KCNH7: variants seen among roughly 807,000 people sequenced by gnomAD.
KCNH7 encodes potassium voltage-gated channel subfamily H member 7.
In KCNH7, 49 loss-of-function variants were observed where a neutral mutation model predicts 120.8. That is an observed-to-expected ratio of 0.41 (90% CI 0.32 to 0.51). The LOEUF (loss-of-function observed/expected upper bound fraction) is 0.51. Among genes scored for constraint, KCNH7 ranks in the 20% least tolerant of loss-of-function variants. KCNH7 has a pLI of 0.38. For missense variants in KCNH7, 1,097 were observed against 1,446.6 expected, an observed-to-expected ratio of 0.76 and a Z score of 3.92; for synonymous variants, 547 against 516.1, an observed-to-expected ratio of 1.06 and a Z score of -0.81.
At chr2:162,566,625 T>A (rs1215101398) in intron 2 of KCNH7, among the ~76,000 whole-genome samples, 1 of 152,106 alleles carries the variant, frequency 6.6e-6, no homozygotes, top group East Asian at 1.9e-4. Flanking sequence ...AAGTACCTAA[T>A]AAAGACCACA....
At chr2:162,456,915 A>C (rs1204677333) in intron 6 of KCNH7, among the ~76,000 whole-genome samples, 3 of 151,938 alleles carry the variant, frequency 2.0e-5, no homozygotes, top group Non-Finnish European at 4.4e-5. Flanking sequence ...TAGGTTATTT[A>C]GTTAATTGTC....
intron 2 of KCNH7, among the ~76,000 whole-genome samples, chr2:162,610,591 G>A (rs1338653265): frequency 6.6e-6 from 1 of 152,098 alleles, no homozygotes; most frequent in Non-Finnish European, 1.5e-5. Flanking sequence ...TCCTAGCCCT[G>A]GTTTTCTCCC....
chr2:162,647,881 A>T lies in KCNH7; in HGVS notation c.308-110801T>A, dbSNP rs181862605. On this transcript the variant is annotated intron_variant, in intron 2 of 15. Coordinates refer to ENST00000332142, the MANE Select transcript of KCNH7 (RefSeq NM_033272.4). ...TGGGAATAAGAACTATGTTGTATGTATTGTCATATCCCTAGTTTGCCTGTG... is the reference window on the plus strand; with the variant it reads ...TGGGAATAAGAACTATGTTGTATGTTTTGTCATATCCCTAGTTTGCCTGTG... Among the ~76,000 whole-genome samples, 639 of 152,304 alleles carry T rather than the reference A, an allele frequency of 4.2e-3. 4 individuals carry two copies. Among genetic ancestry groups the T allele is most frequent in the South Asian group, 0.015 (72 of 4,832 alleles).
chr2:162,623,164 T>C (rs1378191225), intron 2 of KCNH7, among the ~76,000 whole-genome samples: 1 of 152,162 alleles, frequency 6.6e-6, no homozygotes, highest in Non-Finnish European at 1.5e-5. Flanking sequence ...GGCCTGGTGA[T>C]TTTCCATAAC....
intron 2 of KCNH7, among the ~76,000 whole-genome samples, chr2:162,764,220 T>A (rs981920947): frequency 3.3e-5 from 5 of 152,124 alleles, no homozygotes; most frequent in African/African-American, 1.2e-4. Flanking sequence ...GTCAGTATGA[T>A]GTCTCTGAAA....
rs187195685 is a variant in KCNH7 at position 162,507,222 on chromosome 2, T to C, written c.914-2565A>G. Among the ~76,000 whole-genome samples, 472 of 151,860 alleles carry C rather than the reference T, an allele frequency of 3.1e-3. 6 individuals are homozygous for C. The highest frequency in any genetic ancestry group is 0.011 in the African/African-American group (461 of 41,516). On this transcript the variant is annotated intron_variant, in intron 5 of 15. Coordinates refer to ENST00000332142, the MANE Select transcript of KCNH7 (RefSeq NM_033272.4). The stretch of plus-strand genomic sequence containing the variant: ...ATATTTCAGAGTTTAGTTTACAATC[T>C]GTGTTTGGAGCTGTTATTTGCAAAT...
At chr2:162,427,691 T>A (rs1687912091) in intron 8 of KCNH7, among the ~76,000 whole-genome samples, 2 of 151,980 alleles carry the variant, frequency 1.3e-5, no homozygotes, top group South Asian at 4.1e-4. Context: ...GCAGAAGTTA[T>A]TAATTTTGAT....
chr2:162,413,659 C>G (rs1343506184), intron 9 of KCNH7, among the ~76,000 whole-genome samples: 1 of 151,684 alleles, frequency 6.6e-6, no homozygotes, highest in South Asian at 2.1e-4. Context: ...TAATCATATA[C>G]CAAATCGTAT....
At chr2:162,727,151 G>C (rs1384446727) in intron 2 of KCNH7, among the ~76,000 whole-genome samples, 2 of 152,072 alleles carry the variant, frequency 1.3e-5, no homozygotes, top group South Asian at 4.1e-4. Flanking sequence ...TACTCCAAAA[G>C]TCCTGGTTTC....
intron 2 of KCNH7, among the ~76,000 whole-genome samples, chr2:162,559,314 C>T (rs1321322562): frequency 1.3e-5 from 2 of 151,990 alleles, no homozygotes; most frequent in South Asian, 2.1e-4. Flanking sequence ...AGGCCAGGTT[C>T]AAAGAGCTCT....
intron 2 of KCNH7, among the ~76,000 whole-genome samples, chr2:162,673,864 A>T (rs1685446423): frequency 6.6e-6 from 1 of 152,022 alleles, no homozygotes; most frequent in Non-Finnish European, 1.5e-5. Flanking sequence ...TTACAAAGGA[A>T]ATTAGCAAAT....
In KCNH7 at chr2:162,371,458, C is replaced by CA; in HGVS notation, c.*370_*371insT. 1 of 1,268,470 alleles carries CA rather than the reference C, an allele frequency of 7.9e-7. No homozygotes were observed. The highest frequency in any genetic ancestry group is 1.5e-5 in the African/African-American group (1 of 65,008). The allele number at this position is 1,268,470 out of a possible 1,614,324, so 78.6% of individuals were successfully genotyped here. The stretch of plus-strand genomic sequence containing the variant: ...GTTGCATCCATGAACAGTTTTATCC[C>CA]TTGGTTTCTTATTTGCGTGGAAGGC... On this transcript the variant is annotated 3_prime_UTR_variant, in exon 16 of 16. Coordinates refer to ENST00000332142, the MANE Select transcript of KCNH7 (RefSeq NM_033272.4).
intron 2 of KCNH7, among the ~76,000 whole-genome samples, chr2:162,654,404 C>T (rs529781680): frequency 6.6e-6 from 1 of 150,694 alleles, no homozygotes; most frequent in Non-Finnish European, 1.5e-5. Context: ...AAATGTCCAA[C>T]ATCACTAATC....
At chr2:162,585,767 G>A (rs969900131) in intron 2 of KCNH7, among the ~76,000 whole-genome samples, 1 of 151,820 alleles carries the variant, frequency 6.6e-6, no homozygotes, top group African/African-American at 2.4e-5. Flanking sequence ...GAATTTTCAG[G>A]AGCACTATTA....
At position 162,620,106 on chromosome 2, in the gene KCNH7, T is replaced by TA. The variant is rs549355904; in HGVS notation, c.308-83027dup. On this transcript the variant is annotated intron_variant, in intron 2 of 15. Coordinates refer to ENST00000332142, the MANE Select transcript of KCNH7 (RefSeq NM_033272.4). ...ATATATTCTCTCTATAAAAAATCTA[T>TA]AAAAAAAGGATAATAAAAAATCTAC... Among the ~76,000 whole-genome samples, 666 of 150,266 alleles carry TA rather than the reference T, an allele frequency of 4.4e-3. 7 individuals carry two copies. The highest frequency in any genetic ancestry group is 0.016 in the African/African-American group (639 of 41,016).
rs1686926462 is a variant in KCNH7, at chr2:162,396,885, G to A, written c.2468C>T (p.Ala823Val). 1.2e-6 allele frequency: 2 copies of A among 1,611,114 alleles called. No individual in the cohort carries two copies. Among genetic ancestry groups the A allele is most frequent in the Admixed American group, 1.7e-5 (1 of 59,752 alleles). ...HLYAKPGKSN[A>V]DVRALTYCDL... ...ACAGTATGTGAGGGCTCTTACATCT[G>A]CATTAGACTTTCCAGGTTTGGCATA... The change falls in exon 11 of 16, where the codon GCA (alanine) becomes GTA (valine). Residue 823 changes from alanine to valine, a missense_variant. Around this residue, in one of 8 missense-constraint regions of KCNH7, gnomAD observed 101 missense variants for 176.3 expected, o/e 0.57. Coordinates refer to ENST00000332142, the MANE Select transcript of KCNH7 (RefSeq NM_033272.4).
intron 2 of KCNH7, among the ~76,000 whole-genome samples, chr2:162,809,550 T>C (rs1050282849): frequency 5.9e-5 from 9 of 152,202 alleles, no homozygotes; most frequent in Admixed American, 1.3e-4. Flanking sequence ...TTGTGCATTT[T>C]AGTAAAAAAT....
intron 14 of KCNH7, among the ~76,000 whole-genome samples, chr2:162,378,773 C>T (rs1208936467): frequency 2.6e-5 from 4 of 152,142 alleles, no homozygotes; most frequent in Admixed American, 6.5e-5. Flanking sequence ...GCTGTACCTA[C>T]GAAAGGCTAA....
intron 1 of KCNH7, 66 bp downstream of exon 1, chr2:162,838,377 C>T (rs1685735396): frequency 1.5e-6 from 2 of 1,359,650 alleles, no homozygotes; most frequent in Non-Finnish European, 2.1e-6. Context: ...ACCTTGGAAG[C>T]GGTGGACGCC....
Sources: allele counts gnomAD v4.1 joint callset (sites outside exome capture counted in the v4.1 genomes callset), GRCh38; gene constraint gnomAD v4.1.1; regional missense constraint gnomAD v4.1.1; transcripts MANE v1.5; gene names NCBI Gene and HGNC (gene_info 2026-07-23, HGNC 2026-07-21).